Variants in TEK observed in about 807,000 individuals in gnomAD.
TEK encodes the protein angiopoietin-1 receptor.
In TEK, 43 loss-of-function variants were observed where a neutral mutation model predicts 131.8. That is an observed-to-expected ratio of 0.33 (90% CI 0.26 to 0.42). TEK has a LOEUF of 0.42. Ranked by LOEUF, TEK falls within the 10% of genes least tolerant of loss-of-function variation. The pLI, the probability that TEK is intolerant of heterozygous loss-of-function variation, is 1.00. For missense variants in TEK, 1,162 were observed against 1,384.4 expected, an observed-to-expected ratio of 0.84 and a Z score of 2.55; for synonymous variants, 580 against 491.6, an observed-to-expected ratio of 1.18 and a Z score of -2.38.
At chr9:27,222,018 G>C (rs1380307597) in intron 21 of TEK, among the ~76,000 whole-genome samples, 1 of 152,300 alleles carries the variant, frequency 6.6e-6, no homozygotes, top group East Asian at 1.9e-4. Context: ...ATTGCAACTA[G>C]AATAACCAGT....
chr9:27,220,095 G>A lies in TEK; in HGVS notation c.3150G>A (p.Lys1050=). The A allele has an allele frequency of 3.7e-6, 6 of 1,614,072 alleles. No homozygotes were observed. The highest frequency in any genetic ancestry group is 5.1e-6 in the Non-Finnish European group (6 of 1,179,982). ...CGMTCAELYE[K]LPQGYRLEKP... The stretch of plus-strand genomic sequence containing the variant: ...TGACTTGTGCAGAACTCTACGAGAA[G>A]CTGCCCCAGGGCTACAGACTGGAGA... Residue 1050 remains lysine, a synonymous_variant, in exon 21 of 23, where the codon AAG becomes AAA. Coordinates refer to ENST00000380036, the MANE Select transcript of TEK (RefSeq NM_000459.5).
chr9:27,137,456 C>T (rs79128659), intron 1 of TEK, among the ~76,000 whole-genome samples: 9 of 37,082 alleles, frequency 2.4e-4, no homozygotes, highest in African/African-American at 1.0e-3. Flanking sequence ...ATTCTACTAG[C>T]TTAAAAGAAT....
At chr9:27,202,798 C>G in intron 12 of TEK, 22 bp from the exon 13 acceptor site, 2 of 1,611,010 alleles carry the variant, frequency 1.2e-6, no homozygotes, top group Non-Finnish European at 1.7e-6. Context: ...TTAAGTGAAT[C>G]TTTTTTCTTT....
chr9:27,198,337 C>G (rs1825101282), intron 12 of TEK: 1 of 152,702 alleles, frequency 6.5e-6, no homozygotes, highest in East Asian at 1.9e-4. Context: ...ATCCTGGAAG[C>G]TAAGCAGGGT....
At chr9:27,125,377 A>T (rs769937173) in intron 1 of TEK, among the ~76,000 whole-genome samples, 17 of 152,234 alleles carry the variant, frequency 1.1e-4, no homozygotes, top group Non-Finnish European at 1.9e-4. Context: ...GCCAGCCAGG[A>T]AAAAGTCACC....
intron 1 of TEK, among the ~76,000 whole-genome samples, chr9:27,139,762 G>T (rs1822653067): frequency 6.6e-6 from 1 of 151,978 alleles, no homozygotes; most frequent in Admixed American, 6.6e-5. Flanking sequence ...TCTTTTGTTG[G>T]GCTTCAGTGA....
intron 12 of TEK, 35 bp downstream of exon 12, chr9:27,197,634 C>G: frequency 1.2e-6 from 2 of 1,612,218 alleles, no homozygotes; most frequent in Admixed American, 3.3e-5. Flanking sequence ...CTCATCTGAG[C>G]AATAAGGGGC....
chr9:27,178,765 G>A (rs973484868), intron 6 of TEK, among the ~76,000 whole-genome samples: 1 of 152,162 alleles, frequency 6.6e-6, no homozygotes, highest in Non-Finnish European at 1.5e-5. Context: ...GGTTTAGTGA[G>A]CTCCAAGGGA....
At chr9:27,126,114 C>T (rs1052325840) in intron 1 of TEK, among the ~76,000 whole-genome samples, 10 of 152,192 alleles carry the variant, frequency 6.6e-5, no homozygotes, top group Non-Finnish European at 1.5e-4. Flanking sequence ...TTTTCGTCAA[C>T]ACATTAATAC....
At chr9:27,190,718 C>T (rs768693019) in intron 10 of TEK, 28 bp downstream of exon 10, 2 of 1,613,164 alleles carry the variant, frequency 1.2e-6, no homozygotes, top group Middle Eastern at 1.6e-4. Flanking sequence ...TAGATGCCAG[C>T]TGGGGATGTG....
intron 2 of TEK, among the ~76,000 whole-genome samples, chr9:27,159,475 C>T: frequency 6.6e-6 from 1 of 152,160 alleles, no homozygotes; most frequent in East Asian, 1.9e-4. Flanking sequence ...GCCCTCTTTG[C>T]AGGCTACCAT....
At chr9:27,165,472 T>C (rs73425194) in intron 2 of TEK, among the ~76,000 whole-genome samples, 2,554 of 152,218 alleles carry the variant, frequency 0.017, 69 homozygotes, top group African/African-American at 0.058. Flanking sequence ...CTGTCTGCTC[T>C]TCCTTTATGG....
At chr9:27,119,084 A>T (rs1587476445) in intron 1 of TEK, among the ~76,000 whole-genome samples, 1 of 152,282 alleles carries the variant, frequency 6.6e-6, no homozygotes, top group African/African-American at 2.4e-5. Flanking sequence ...TATTTGTTTA[A>T]GCTATTTTGA....
intron 20 of TEK, among the ~76,000 whole-genome samples, chr9:27,219,377 T>TAACA (rs1012976794): frequency 5.1e-4 from 78 of 152,184 alleles, no homozygotes; most frequent in African/African-American, 1.7e-3. Flanking sequence ...CTCAGTAAAC[T>TAACA]AACACAGGAA....
chr9:27,209,819 C>T (rs953827314), intron 16 of TEK, among the ~76,000 whole-genome samples: 7 of 152,160 alleles, frequency 4.6e-5, no homozygotes, highest in South Asian at 2.1e-4. Context: ...GTTATTAATT[C>T]AAATGTTTAT....
Position 27,170,536 on chromosome 9 carries a change from G to C in TEK, c.628+907G>C, listed in dbSNP as rs542291940. Among the ~76,000 whole-genome samples, 3 of 152,292 alleles carry C rather than the reference G, an allele frequency of 2.0e-5. No individual in the cohort carries two copies. In the East Asian group the frequency reaches 5.8e-4, roughly 29 times the overall value. ...GCTATTTGACAGGTTGAGGTGGGAG[G>C]ATAGTTCAAGCTCGGGAGGTCGAGG... On this transcript the variant is annotated intron_variant, in intron 4 of 22. Coordinates refer to ENST00000380036, the MANE Select transcript of TEK (RefSeq NM_000459.5).
At chr9:27,130,679 C>T (rs577735208) in intron 1 of TEK, among the ~76,000 whole-genome samples, 36 of 138,120 alleles carry the variant, frequency 2.6e-4, no homozygotes, top group African/African-American at 9.8e-4. Flanking sequence ...TGGGTTCAAG[C>T]GATTCTCCTG....
chr9:27,225,972 C>A (rs1407164320), intron 21 of TEK, among the ~76,000 whole-genome samples: 4 of 152,160 alleles, frequency 2.6e-5, no homozygotes, highest in Non-Finnish European at 5.9e-5. Context: ...AGACAACAAA[C>A]ATGAAAAAAG....
intron 1 of TEK, among the ~76,000 whole-genome samples, chr9:27,137,005 T>G (rs1048938821): frequency 6.6e-6 from 1 of 152,124 alleles, no homozygotes; most frequent in African/African-American, 2.4e-5. Flanking sequence ...AACCTCTGCC[T>G]CCCGGGTTCA....
Sources: allele counts gnomAD v4.1 joint callset (sites outside exome capture counted in the v4.1 genomes callset), GRCh38; gene constraint gnomAD v4.1.1; transcripts MANE v1.5; gene names NCBI Gene and HGNC (gene_info 2026-07-23, HGNC 2026-07-21).